FBXW10B: variants seen among roughly 807,000 people sequenced by gnomAD.
The protein encoded by FBXW10B is F-box and WD repeat domain containing protein 10B.
At chr17:15,614,237 G>A in the FBXW10B span, among the ~76,000 whole-genome samples, 1 of 152,046 alleles carries the variant, frequency 6.6e-6, no homozygotes, top group Admixed American at 6.6e-5. Flanking sequence ...CGCCCAGGTT[G>A]GAGTGTAGTG....
the FBXW10B span, among the ~76,000 whole-genome samples, chr17:15,575,853 G>C: frequency 6.6e-6 from 1 of 152,108 alleles, no homozygotes; most frequent in African/African-American, 2.4e-5. Flanking sequence ...CAGCTTCCAC[G>C]GGACTTTACG....
chr17:15,584,760 T>C, the FBXW10B span, among the ~76,000 whole-genome samples: 141 of 152,324 alleles, frequency 9.3e-4, 5 homozygotes, highest in East Asian at 0.022. Context: ...TTCATGCCCT[T>C]GTGCACATTG....
the FBXW10B span, chr17:15,588,871 T>C: frequency 6.2e-7 from 1 of 1,614,200 alleles, no homozygotes; most frequent in Non-Finnish European, 8.5e-7. Context: ...AGCTGTGTCC[T>C]TTGCCACTTG....
At chr17:15,598,322 T>C in the FBXW10B span, among the ~76,000 whole-genome samples, 1 of 151,382 alleles carries the variant, frequency 6.6e-6, no homozygotes, top group Non-Finnish European at 1.5e-5. Context: ...AGTGTGTGGC[T>C]TGCTGTAGGT....
the FBXW10B span, among the ~76,000 whole-genome samples, chr17:15,568,122 T>G: frequency 6.6e-6 from 1 of 152,230 alleles, no homozygotes; most frequent in Admixed American, 6.5e-5. Flanking sequence ...TTCCCAAGGT[T>G]GCAGAGAGGT....
chr17:15,577,709 T>G, the FBXW10B span, among the ~76,000 whole-genome samples: 2 of 152,206 alleles, frequency 1.3e-5, no homozygotes, highest in African/African-American at 4.8e-5. Flanking sequence ...GGGACACAAT[T>G]AAATGCTGTT....
the FBXW10B span, chr17:15,619,283 A>C: frequency 6.2e-7 from 1 of 1,613,900 alleles, no homozygotes; most frequent in Non-Finnish European, 8.5e-7. Context: ...TGTGGTCTGA[A>C]GGATATTTTG....
At chr17:15,615,153 A>C in the FBXW10B span, among the ~76,000 whole-genome samples, 1 of 151,136 alleles carries the variant, frequency 6.6e-6, no homozygotes, top group African/African-American at 2.4e-5. Context: ...TCCTCCCCTT[A>C]CCAGCTGTGA....
the FBXW10B span, among the ~76,000 whole-genome samples, chr17:15,594,019 T>A: frequency 6.6e-6 from 1 of 152,102 alleles, no homozygotes; most frequent in African/African-American, 2.4e-5. Flanking sequence ...TGCAATTAGG[T>A]CACAGGGCCA....
At chr17:15,567,927 GAAGT>G in the FBXW10B span, among the ~76,000 whole-genome samples, 1 of 151,546 alleles carries the variant, frequency 6.6e-6, no homozygotes, top group Admixed American at 6.6e-5. Flanking sequence ...AGGATGGGGA[GAAGT>G]AAGCAAAAAC....
chr17:15,565,948 C>A, the FBXW10B span: 1 of 1,593,050 alleles, frequency 6.3e-7, no homozygotes, highest in Non-Finnish European at 8.6e-7. Flanking sequence ...GAACCTGGAG[C>A]GGATAATCAT....
the FBXW10B span, among the ~76,000 whole-genome samples, chr17:15,612,071 C>T: frequency 1.3e-5 from 2 of 152,162 alleles, no homozygotes; most frequent in African/African-American, 4.8e-5. Context: ...GATGGGGTTG[C>T]TCCTGGCCTC....
the FBXW10B span, chr17:15,615,743 G>A: frequency 1.9e-6 from 3 of 1,613,820 alleles, no homozygotes; most frequent in Non-Finnish European, 2.5e-6. Context: ...GACTTGTGAG[G>A]TCGCAGACTT....
chr17:15,582,733 A>G, the FBXW10B span, among the ~76,000 whole-genome samples: 2 of 152,182 alleles, frequency 1.3e-5, no homozygotes, highest in Non-Finnish European at 2.9e-5. Context: ...AAGAAGAGAC[A>G]AAGTGGAGCC....
the FBXW10B span, among the ~76,000 whole-genome samples, chr17:15,568,128 G>C: frequency 1.1e-4 from 16 of 152,244 alleles, no homozygotes; most frequent in African/African-American, 3.6e-4. Context: ...AGGTTGCAGA[G>C]AGGTAAATAA....
chr17:15,578,061 C>T, the FBXW10B span, among the ~76,000 whole-genome samples: 2 of 150,326 alleles, frequency 1.3e-5, no homozygotes, highest in Admixed American at 6.6e-5. Context: ...GATGGTCATA[C>T]AAAAGATGGA....
the FBXW10B span, chr17:15,566,499 CA>C: frequency 1.4e-6 from 1 of 692,522 alleles, no homozygotes; most frequent in Non-Finnish European, 2.3e-6. Flanking sequence ...TACAGGCAGG[CA>C]CCCTGAGTGG....
the FBXW10B span, among the ~76,000 whole-genome samples, chr17:15,571,218 G>A: frequency 5.9e-5 from 9 of 152,094 alleles, no homozygotes; most frequent in Admixed American, 2.6e-4. Context: ...GGCAGCATGT[G>A]CCTGTAGTCC....
At chr17:15,591,186 A>G in the FBXW10B span, among the ~76,000 whole-genome samples, 1 of 152,250 alleles carries the variant, frequency 6.6e-6, no homozygotes, top group Non-Finnish European at 1.5e-5. Context: ...CTAGAGAAAA[A>G]GAGCTTTTCA....
Sources: gnomAD v4.1 joint callset for allele counts (sites outside exome capture counted in the v4.1 genomes callset) on GRCh38, gnomAD v4.1.1 for gene constraint, MANE v1.5 for transcripts, NCBI Gene and HGNC (gene_info 2026-07-23, HGNC 2026-07-21) for gene names.